Variants in VCPIP1 observed in about 807,000 individuals in gnomAD.
VCPIP1 encodes valosin containing protein interacting protein 1.
A neutral mutation model predicts 85.0 loss-of-function variants in VCPIP1; 8 were observed. The ratio of observed to expected loss-of-function variants is 0.09; its 90% confidence interval spans 0.06 to 0.17. The LOEUF is 0.17. Ranked by LOEUF, VCPIP1 falls within the 10% of genes least tolerant of loss-of-function variation. The pLI is 1.00. For synonymous variants in VCPIP1, 543 were observed against 544.5 expected, an observed-to-expected ratio of 1.00 and a Z score of 0.04; for missense variants, 1,070 against 1,486.3, an observed-to-expected ratio of 0.72 and a Z score of 4.61.
rs777363468 is a variant in VCPIP1 at position 66,665,072 on chromosome 8, A to G, written c.1887T>C (p.Leu629=). 1 of 1,614,078 alleles carries G rather than the reference A, an allele frequency of 6.2e-7. No individual in the cohort carries two copies. The highest frequency in any genetic ancestry group is 8.5e-7 in the Non-Finnish European group (1 of 1,179,958). Residue 629 remains leucine (L), a synonymous_variant, in exon 1 of 3, where the codon CTT becomes CTC. Coordinates refer to ENST00000310421, the MANE Select transcript of VCPIP1 (RefSeq NM_025054.5). This position sits in a 1 kb window ranked among gnomAD's most constrained non-coding sequence, Gnocchi z 4.3. The part of the protein sequence containing the change: ...NSNVYDVAMK[L]VTKHFPGEFG... Reference sequence around the variant, plus strand: ...ATTCACCTGGAAAGTGCTTGGTAACAAGTTTCATTGCAACATCGTAAACAT... The same window carrying G: ...ATTCACCTGGAAAGTGCTTGGTAACGAGTTTCATTGCAACATCGTAAACAT...
At chr8:66,648,994 T>C (rs1811025340) in intron 2 of VCPIP1, among the ~76,000 whole-genome samples, 1 of 152,020 alleles carries the variant, frequency 6.6e-6, no homozygotes, top group Non-Finnish European at 1.5e-5. Context: ...ACCTTGTCTC[T>C]ACAAAAAATG....
intron 1 of VCPIP1, among the ~76,000 whole-genome samples, chr8:66,656,413 G>A (rs984831153): frequency 6.6e-6 from 1 of 152,104 alleles, no homozygotes; most frequent in South Asian, 2.1e-4. Context: ...AGCTGGTCTT[G>A]AATGCCTGGT....
In VCPIP1 at chr8:66,664,417, T is replaced by C. The variant is rs780241965; in HGVS notation, c.2542A>G (p.Ile848Val). The change falls in exon 1 of 3, where the codon ATA becomes GTA. Residue 848 changes from isoleucine (I) to valine (V), a missense_variant. Around this residue, in one of 8 missense-constraint regions of VCPIP1, gnomAD observed 278 missense variants for 298.5 expected, o/e 0.93. Transcript: ENST00000310421. ...VPLQHGDRIT[I>V]EILKSKAEGG... ...TCAGCTTTACTTTTTAGAATTTCTA[T>C]TGTAATTCTGTCGCCATGCTGTAAA... The C allele has an allele frequency of 6.2e-7, 1 of 1,613,850 alleles. No homozygotes were observed. Among genetic ancestry groups the C allele is most frequent in the South Asian group, 1.1e-5 (1 of 91,082 alleles).
At chr8:66,637,843 GCAC>G (rs1032488903) in intron 2 of VCPIP1, among the ~76,000 whole-genome samples, 28 of 151,948 alleles carry the variant, frequency 1.8e-4, no homozygotes, top group African/African-American at 6.3e-4. Context: ...GTGGTGGCAG[GCAC>G]CTATAGTCCC....
intron 1 of VCPIP1, among the ~76,000 whole-genome samples, chr8:66,652,168 G>A (rs751398344): frequency 1.6e-4 from 25 of 152,178 alleles, no homozygotes; most frequent in Non-Finnish European, 2.6e-4. Flanking sequence ...TCTACCCTGC[G>A]TGACAAAGTG....
At chr8:66,643,684 G>A (rs1484051630) in intron 2 of VCPIP1, among the ~76,000 whole-genome samples, 1 of 151,898 alleles carries the variant, frequency 6.6e-6, no homozygotes, top group Non-Finnish European at 1.5e-5. Flanking sequence ...GCCCAGGCAA[G>A]AGATTGAGAC....
Position 66,664,734 on chromosome 8 carries a change from T to A in VCPIP1, c.2225A>T (p.Gln742Leu). The change falls in exon 1 of 3, where the codon CAA becomes CTA. Residue 742 changes from glutamine (Q) to leucine (L), a missense_variant. Gln to Leu is a moderately radical substitution (Grantham distance 113, BLOSUM62 -2). This residue lies in a region of VCPIP1 where 278 missense variants were observed against 298.5 expected (regional missense o/e 0.93). Coordinates refer to ENST00000310421, the MANE Select transcript of VCPIP1 (RefSeq NM_025054.5). Reference sequence around the variant, plus strand: ...GGTACTGGGAGAAACAGTCCTGGGTTGCCCTTTTTGTTCTTGTTTTAACTT... The same window carrying A: ...GGTACTGGGAGAAACAGTCCTGGGTAGCCCTTTTTGTTCTTGTTTTAACTT... Reference protein sequence around the residue: ...TEKLKQEQKGQPRTVSPSTIR... With the variant: ...TEKLKQEQKGLPRTVSPSTIR... 6.2e-7 allele frequency: 1 copy of A among 1,613,548 alleles called. No homozygotes were observed. The highest frequency in any genetic ancestry group is 8.5e-7 in the Non-Finnish European group (1 of 1,179,836).
At chr8:66,657,489 ATTGATAGTCAAAATGGT>A (rs1811112230) in intron 1 of VCPIP1, among the ~76,000 whole-genome samples, 1 of 152,170 alleles carries the variant, frequency 6.6e-6, no homozygotes, top group East Asian at 1.9e-4. Flanking sequence ...TATCTACCCT[ATTGATAGTCAAAATGGT>A]TTATAAAAAA....
At position 66,654,067 on chromosome 8, in the gene VCPIP1, G is replaced by A. The variant is rs557301395; in HGVS notation, c.2711-2523C>T. 2.0e-5 allele frequency among the ~76,000 whole-genome samples: 3 copies of A among 152,326 alleles called. No individual in the cohort carries two copies. In the South Asian group the frequency reaches 6.2e-4, roughly 32 times the overall value. ...CTAAGCTCTACAGACAAGGAAACAAGCTCAGAGAGCTTAAATAACTCTTCC... is the reference window on the plus strand; with the variant it reads ...CTAAGCTCTACAGACAAGGAAACAAACTCAGAGAGCTTAAATAACTCTTCC... On this transcript the variant is annotated intron_variant, in intron 1 of 2. Coordinates refer to ENST00000310421, the MANE Select transcript of VCPIP1 (RefSeq NM_025054.5).
At chr8:66,652,382 G>A (rs1811062784) in intron 1 of VCPIP1, among the ~76,000 whole-genome samples, 1 of 152,198 alleles carries the variant, frequency 6.6e-6, no homozygotes, top group African/African-American at 2.4e-5. Context: ...GGGAGGCCCA[G>A]GCAGGCAGAT....
rs115951813 is a variant in VCPIP1, at chr8:66,635,089, T to C, written c.3081A>G (p.Gly1027=). Residue 1027 remains glycine, a synonymous_variant, in exon 3 of 3, where the codon GGA becomes GGG. Transcript: ENST00000310421. ...ATGCAGTTCCTAAAGAATGCCCTTT[T>C]CCCTGAAAGGCAGTTACGTTATGAA... ...EQLHNVTAFQ[G]KGHSLGTASG... 2,353 of 1,614,208 alleles carry C rather than the reference T, an allele frequency of 1.5e-3. 25 individuals are homozygous for C. The African/African-American group carries it at 0.027, about 18-fold the overall frequency.
chr8:66,651,585 A>G, intron 1 of VCPIP1, 41 bp from the exon 2 acceptor site: 3 of 1,548,496 alleles, frequency 1.9e-6, no homozygotes, highest in Admixed American at 3.5e-5. Flanking sequence ...AACAAACAAA[A>G]GAGTTCCATC....
chr8:66,638,970 C>CTATATATATATATATATATATATATA (rs1554584185), intron 2 of VCPIP1, among the ~76,000 whole-genome samples: 3 of 118,430 alleles, frequency 2.5e-5, no homozygotes, highest in Admixed American at 8.5e-5. Flanking sequence ...CTCTCTCTCT[C>CTATATATATATATATATATATATATA]TATATATATA....
Position 66,665,791 on chromosome 8 carries a change from T to G in VCPIP1, c.1168A>C (p.Lys390Gln). 1.2e-6 allele frequency: 2 copies of G among 1,614,120 alleles called. No homozygotes were observed. Among genetic ancestry groups the G allele is most frequent in the Admixed American group, 3.3e-5 (2 of 60,016 alleles). The change falls in exon 1 of 3, where the codon AAA becomes CAA. Residue 390 changes from lysine (K) to glutamine (Q), a missense_variant. By Grantham distance (53) the Lys-to-Gln change is moderately conservative. Coordinates refer to ENST00000310421, the MANE Select transcript of VCPIP1 (RefSeq NM_025054.5). The surrounding 1 kb of genome is among the most constrained non-coding windows in gnomAD (Gnocchi z 4.3). ...VPQDLIKKYI[K>Q]LEEDGGCVIG... ...ACACAACCACCATCCTCTTCAAGTT[T>G]TATGTACTTTTTAATAAGGTCCTGA...
Position 66,667,202 on chromosome 8 carries a change from A to G in VCPIP1, c.-244T>C. On this transcript the variant is annotated 5_prime_UTR_variant, in exon 1 of 3. Coordinates refer to ENST00000310421, the MANE Select transcript of VCPIP1 (RefSeq NM_025054.5). ...ACCACCCCACCCCGCACTCACACTCACTCACTCTCGCTCTCTCTCCCTCAG... is the reference window on the plus strand; with the variant it reads ...ACCACCCCACCCCGCACTCACACTCGCTCACTCTCGCTCTCTCTCCCTCAG... 1 of 702,562 alleles carries G rather than the reference A, an allele frequency of 1.4e-6. No individual in the cohort carries two copies. 43.5% of individuals were successfully genotyped at this position (702,562 alleles called of 1,614,324 possible). A position where few individuals can be genotyped will look rare whatever the true frequency, so the allele number is the denominator to read the frequency against.
intron 2 of VCPIP1, among the ~76,000 whole-genome samples, chr8:66,646,495 T>C (rs1402439391): frequency 6.6e-6 from 1 of 152,172 alleles, no homozygotes; most frequent in Non-Finnish European, 1.5e-5. Flanking sequence ...TCAAGCTGAT[T>C]CTAAAATTTA....
intron 2 of VCPIP1, among the ~76,000 whole-genome samples, chr8:66,641,060 C>A (rs1472537547): frequency 1.3e-5 from 2 of 152,228 alleles, no homozygotes; most frequent in Admixed American, 6.5e-5. Context: ...CTAGATGCTG[C>A]TGCAGGGCCG....
At position 66,632,656 on chromosome 8, in the gene VCPIP1, A is replaced by G. The variant is rs1175156504; in HGVS notation, c.*1845T>C. On this transcript the variant is annotated 3_prime_UTR_variant, in exon 3 of 3. Coordinates refer to ENST00000310421, the MANE Select transcript of VCPIP1 (RefSeq NM_025054.5). ...AAAGCAGTGCATTTTTTGCTTAAAC[A>G]GTTTTCCTGTATTTAAATCCCCCCA... The G allele has an allele frequency of 6.6e-6, 1 of 152,110 alleles. No homozygotes were observed. The highest frequency in any genetic ancestry group is 1.5e-5 in the Non-Finnish European group (1 of 67,938). The allele number at this position is 152,110 out of a possible 1,614,324, so 9.4% of individuals were successfully genotyped here. A position where few individuals can be genotyped will look rare whatever the true frequency, so the allele number is the denominator to read the frequency against.
At position 66,664,359 on chromosome 8, in the gene VCPIP1, T is replaced by C. The variant is rs1367155666; in HGVS notation, c.2600A>G (p.His867Arg). The C allele has an allele frequency of 6.2e-7, 1 of 1,613,896 alleles. No homozygotes were observed. The highest frequency in any genetic ancestry group is 1.7e-5 in the Admixed American group (1 of 60,014). ...AGCAATATCTTCTTGTTTCACAGTGTGGGCTGAGTGTGCTGCAGCAGACTG... is the reference window on the plus strand; with the variant it reads ...AGCAATATCTTCTTGTTTCACAGTGCGGGCTGAGTGTGCTGCAGCAGACTG... ...GGQSAAAHSA[H>R]TVKQEDIAVT... Residue 867 changes from histidine to arginine, a missense_variant, in exon 1 of 3, where the codon CAC becomes CGC. His to Arg is a conservative substitution (Grantham distance 29, BLOSUM62 0). Coordinates refer to ENST00000310421, the MANE Select transcript of VCPIP1 (RefSeq NM_025054.5).
Sources: allele counts gnomAD v4.1 joint callset (sites outside exome capture counted in the v4.1 genomes callset), GRCh38; gene constraint gnomAD v4.1.1; regional missense constraint gnomAD v4.1.1; non-coding constraint Gnocchi (gnomAD v3.1); transcripts MANE v1.5; gene names NCBI Gene and HGNC (gene_info 2026-07-23, HGNC 2026-07-21).